The following RGS12 variants were observed in gnomAD, a reference collection of about 807,000 sequenced individuals.
RGS12 encodes regulator of G-protein signaling 12.
RGS12 carries 66 observed loss-of-function variants against 120.1 expected under a neutral mutation model. The observed-to-expected ratio is 0.55, with a 90% confidence interval of 0.45 to 0.67. RGS12 has a LOEUF of 0.67. RGS12 is among the 30% of genes least tolerant of loss of function. The pLI is 0.00. For synonymous variants in RGS12, 827 were observed against 804.7 expected, an observed-to-expected ratio of 1.03 and a Z score of -0.47; for missense variants, 1,859 against 1,957.7, an observed-to-expected ratio of 0.95 and a Z score of 0.95.
intron 3 of RGS12, chr4:3,386,034 G>A (rs552913758): frequency 9.2e-5 from 24 of 259,562 alleles, no homozygotes; most frequent in African/African-American, 3.6e-4. Context: ...CCTGGGTGGC[G>A]TCACGGCACG....
intron 3 of RGS12, among the ~76,000 whole-genome samples, chr4:3,384,161 T>C (rs947473040): frequency 1.3e-5 from 2 of 152,172 alleles, no homozygotes; most frequent in Non-Finnish European, 2.9e-5. Context: ...TGTGATATTA[T>C]TTATTTATTT....
intron 3 of RGS12, among the ~76,000 whole-genome samples, chr4:3,381,732 C>T (rs1718279961): frequency 1.3e-5 from 2 of 152,214 alleles, no homozygotes; most frequent in African/African-American, 2.4e-5. Flanking sequence ...ATTGGAACTA[C>T]AAGATGAGAT....
Position 3,433,112 on chromosome 4 carries a change from A to G in RGS12, c.4114+2157A>G, listed in dbSNP as rs1724481817. Among the ~76,000 whole-genome samples, 1 of 152,298 alleles carries G rather than the reference A, an allele frequency of 6.6e-6. No individual in the cohort carries two copies. The highest frequency in any genetic ancestry group is 1.9e-4 in the East Asian group (1 of 5,176). On this transcript the variant is annotated intron_variant, in intron 17 of 17. Transcript: ENST00000336727. This position sits in a 1 kb window ranked among gnomAD's most constrained non-coding sequence, Gnocchi z 4.4. Reference sequence around the variant, plus strand: ...GGTGGCCTGATGGAACCTCTTTCACATCTGTGGGCCGGGGCGAGCCTGGAC... The same window carrying G: ...GGTGGCCTGATGGAACCTCTTTCACGTCTGTGGGCCGGGGCGAGCCTGGAC...
chr4:3,434,442 G>A (rs993278782), intron 17 of RGS12, among the ~76,000 whole-genome samples: 3 of 152,108 alleles, frequency 2.0e-5, no homozygotes, highest in Admixed American at 6.5e-5. Context: ...GTGTGTGTTC[G>A]TGTGGCATGT....
intron 4 of RGS12, among the ~76,000 whole-genome samples, chr4:3,403,163 T>C (rs77942464): frequency 0.025 from 3,791 of 152,336 alleles, 85 homozygotes; most frequent in African/African-American, 0.053. Context: ...CAGAAGGACT[T>C]GGTGTCACTT....
rs566352313 is a variant in RGS12 at position 3,431,160 on chromosome 4, C to T, written c.4114+205C>T. ...CCAGGCCAGTGTCTGTCAGGATGGT[C>T]CCCCCGAGGCGCTCTGGGCAGGCAT... On this transcript the variant is annotated intron_variant, in intron 17 of 17. Transcript: ENST00000336727. 9.2e-6 allele frequency: 13 copies of T among 1,413,990 alleles called. No homozygotes were observed. The South Asian group carries it at 1.7e-4, about 18-fold the overall frequency. The allele number at this position is 1,413,990 out of a possible 1,614,324, so 87.6% of individuals were successfully genotyped here.
chr4:3,416,595 G>A (rs1239360414), intron 7 of RGS12, among the ~76,000 whole-genome samples: 2 of 152,128 alleles, frequency 1.3e-5, no homozygotes, highest in African/African-American at 4.8e-5. Context: ...ATTTCTAGTC[G>A]CTTTTGGTTT....
intron 3 of RGS12, among the ~76,000 whole-genome samples, chr4:3,369,380 A>C (rs1477369893): frequency 6.6e-6 from 1 of 152,230 alleles, no homozygotes; most frequent in Non-Finnish European, 1.5e-5. Context: ...GAAAGGCAGA[A>C]GCAGAGCTGG....
chr4:3,431,263 G>A (rs1724274426), intron 17 of RGS12: 2 of 1,233,212 alleles, frequency 1.6e-6, no homozygotes, highest in African/African-American at 1.6e-5. Context: ...CCTGGGTGAG[G>A]CCTGGGGGTT....
chr4:3,405,313 T>A (rs910151674), intron 4 of RGS12, among the ~76,000 whole-genome samples: 1 of 152,226 alleles, frequency 6.6e-6, no homozygotes, highest in Non-Finnish European at 1.5e-5. Flanking sequence ...TCACCCACCC[T>A]GCAGTAAACT....
intron 16 of RGS12, among the ~76,000 whole-genome samples, chr4:3,430,059 T>C (rs765631821): frequency 6.6e-6 from 1 of 152,170 alleles, no homozygotes; most frequent in Non-Finnish European, 1.5e-5. Context: ...AAGTGTTAAA[T>C]TGAAAGCCCA....
intron 4 of RGS12, among the ~76,000 whole-genome samples, chr4:3,401,799 A>G (rs1365370529): frequency 6.6e-6 from 1 of 152,378 alleles, no homozygotes. Context: ...CGGTGGCCTC[A>G]TTTACCGCAT....
chr4:3,425,588 G>T, intron 14 of RGS12, 28 bp downstream of exon 14: 1 of 1,576,034 alleles, frequency 6.3e-7, no homozygotes, highest in Non-Finnish European at 8.7e-7. Context: ...AGCGGATGGG[G>T]AGAGGGTGAG....
intron 4 of RGS12, among the ~76,000 whole-genome samples, chr4:3,402,914 T>C (rs182947035): frequency 3.6e-4 from 55 of 152,356 alleles, no homozygotes; most frequent in African/African-American, 1.2e-3. Context: ...GTGTCTTTTC[T>C]TGGAGCATCC....
In RGS12 at chr4:3,362,852, GGT is replaced by G. The variant is rs374658943; in HGVS notation, c.1998+19809_1998+19810del. On this transcript the variant is annotated intron_variant, in intron 3 of 17. Transcript: ENST00000336727. ...GTTTGAGTGTGAGACTGAGTGTGAG[GGT>G]GTGTGTGTGCGAGGGTGTGTGTGTG... Among the ~76,000 whole-genome samples, 191 of 138,220 alleles carry G rather than the reference GGT, an allele frequency of 1.4e-3. 1 individual carries two copies. The highest frequency in any genetic ancestry group is 6.4e-3 in the East Asian group (28 of 4,344). The allele number at this position is 138,220 out of a possible 152,430, so 90.7% of individuals were successfully genotyped here. A position where few individuals can be genotyped will look rare whatever the true frequency, so the allele number is the denominator to read the frequency against.
chr4:3,384,248 G>A (rs1223681718), intron 3 of RGS12, among the ~76,000 whole-genome samples: 4 of 152,078 alleles, frequency 2.6e-5, no homozygotes, highest in East Asian at 1.9e-4. Flanking sequence ...TCTACCTCCC[G>A]GGTTCAAGCG....
chr4:3,290,334 GCTTCCAT>G (rs929367691), upstream of RGS12, among the ~76,000 whole-genome samples: 1 of 152,164 alleles, frequency 6.6e-6, no homozygotes, highest in African/African-American at 2.4e-5. Flanking sequence ...TCTCCAGAAT[GCTTCCAT>G]CTTCCCAAAC....
chr4:3,403,814 T>C, intron 4 of RGS12, among the ~76,000 whole-genome samples: 1 of 152,258 alleles, frequency 6.6e-6, no homozygotes, highest in Non-Finnish European at 1.5e-5. Context: ...AAGGCCTCAT[T>C]GCTTTAAGTT....
intron 17 of RGS12, among the ~76,000 whole-genome samples, chr4:3,438,199 CGCCT>C (rs1355524417): frequency 6.6e-6 from 1 of 152,110 alleles, no homozygotes; most frequent in Admixed American, 6.5e-5. Flanking sequence ...ACCCCATAGG[CGCCT>C]CAAGGCCTCC....
Sources: allele counts gnomAD v4.1 joint callset (sites outside exome capture counted in the v4.1 genomes callset), GRCh38; gene constraint gnomAD v4.1.1; non-coding constraint Gnocchi (gnomAD v3.1); transcripts MANE v1.5; gene names NCBI Gene and HGNC (gene_info 2026-07-23, HGNC 2026-07-21).